PTBP2: variants seen among roughly 807,000 people sequenced by gnomAD.
PTBP2 encodes polypyrimidine tract-binding protein 2.
A neutral mutation model predicts 61.4 loss-of-function variants in PTBP2; 13 were observed. That is an observed-to-expected ratio of 0.21 (90% CI 0.14 to 0.34). The LOEUF (loss-of-function observed/expected upper bound fraction) is 0.34, where lower values mean the gene tolerates loss of function less well. PTBP2 is among the 10% of genes least tolerant of loss of function. The probability of loss-of-function intolerance (pLI) is 1.00; values close to 1 mark genes in which losing one functional copy is unlikely to be tolerated. For synonymous variants in PTBP2, 215 were observed against 218.5 expected (o/e 0.98, Z 0.14); for missense variants, 405 against 642.6 (o/e 0.63, Z 4.00).
rs1416565798 is a variant in PTBP2 at position 96,814,281 on chromosome 1, A to C, written c.*876A>C. 6.6e-6 allele frequency: 1 copy of C among 152,544 alleles called. No homozygotes were observed. Among genetic ancestry groups the C allele is most frequent in the African/African-American group, 2.4e-5 (1 of 41,470 alleles). The allele number at this position is 152,544 out of a possible 1,614,324, so 9.4% of individuals were successfully genotyped here. On this transcript the variant is annotated 3_prime_UTR_variant, in exon 14 of 14. Transcript: ENST00000674951. ...TATTGCCATCCTTAGTTTGTAATTAAGATTTGGAATATGGTTGTGGATTTC... is the reference window on the plus strand; with the variant it reads ...TATTGCCATCCTTAGTTTGTAATTACGATTTGGAATATGGTTGTGGATTTC...
intron 5 of PTBP2, among the ~76,000 whole-genome samples, chr1:96,771,766 T>C (rs1657408730): frequency 6.6e-6 from 1 of 152,196 alleles, no homozygotes; most frequent in Non-Finnish European, 1.5e-5. Context: ...TTTATACTTA[T>C]GGTGTACAAT....
chr1:96,744,520 A>C (rs952307950), intron 2 of PTBP2, among the ~76,000 whole-genome samples: 1 of 152,184 alleles, frequency 6.6e-6, no homozygotes, highest in Non-Finnish European at 1.5e-5. Context: ...TCCACGTCTT[A>C]TGTCTTGATC....
chr1:96,766,123 G>A (rs151284704), intron 3 of PTBP2, among the ~76,000 whole-genome samples: 36 of 152,254 alleles, frequency 2.4e-4, no homozygotes, highest in African/African-American at 7.5e-4. Flanking sequence ...GCTGGCTTTA[G>A]AATTGAGGTG....
At chr1:96,757,435 A>G (rs566437543) in intron 3 of PTBP2, among the ~76,000 whole-genome samples, 2 of 152,354 alleles carry the variant, frequency 1.3e-5, no homozygotes, top group South Asian at 4.1e-4. Context: ...ATAACAAATC[A>G]AAGTATATTA....
intron 3 of PTBP2, among the ~76,000 whole-genome samples, chr1:96,752,196 C>T (rs1055293283): frequency 1.3e-5 from 2 of 151,942 alleles, no homozygotes; most frequent in Non-Finnish European, 2.9e-5. Context: ...GACGTGTTCT[C>T]ATCTGAATGG....
chr1:96,723,414 ACG>A, intron 1 of PTBP2, 148 bp from the exon 2 acceptor site: 1 of 551,220 alleles, frequency 1.8e-6, no homozygotes, highest in Non-Finnish European at 3.2e-6. Flanking sequence ...CAGGTAAGTC[ACG>A]GATCATCTGT....
At chr1:96,796,135 T>G (rs545798629) in intron 8 of PTBP2, among the ~76,000 whole-genome samples, 1 of 152,002 alleles carries the variant, frequency 6.6e-6, no homozygotes, top group African/African-American at 2.4e-5. Flanking sequence ...CCAGAAGAGA[T>G]TTTTTACCAA....
At chr1:96,793,778 TA>T (rs1250791798) in intron 8 of PTBP2, among the ~76,000 whole-genome samples, 1 of 152,174 alleles carries the variant, frequency 6.6e-6, no homozygotes, top group Non-Finnish European at 1.5e-5. Flanking sequence ...CCATTATAAA[TA>T]ATATTTGAAT....
chr1:96,732,369 T>G (rs1314694355), intron 2 of PTBP2, among the ~76,000 whole-genome samples: 1 of 152,220 alleles, frequency 6.6e-6, no homozygotes, highest in Non-Finnish European at 1.5e-5. Flanking sequence ...TTATTAGAAT[T>G]TCAATTAACA....
At chr1:96,799,705 A>G (rs1660782842) in intron 8 of PTBP2, among the ~76,000 whole-genome samples, 1 of 152,138 alleles carries the variant, frequency 6.6e-6, no homozygotes, top group Admixed American at 6.5e-5. Flanking sequence ...GCTTTCTATA[A>G]CTTTCTCAAA....
At chr1:96,750,437 C>G (rs932265177) in intron 2 of PTBP2, among the ~76,000 whole-genome samples, 1 of 151,060 alleles carries the variant, frequency 6.6e-6, no homozygotes, top group African/African-American at 2.4e-5. Context: ...GTAGAAAGCT[C>G]TTAAAATATT....
intron 7 of PTBP2, among the ~76,000 whole-genome samples, chr1:96,784,046 A>C (rs1462136730): frequency 6.6e-6 from 1 of 152,088 alleles, no homozygotes; most frequent in African/African-American, 2.4e-5. Flanking sequence ...AGAATATTTG[A>C]ATTAAAAGCT....
rs78133565 is a variant in PTBP2 at position 96,758,002 on chromosome 1, A to G, written c.115+6502A>G. ...CCAAGGAAAAAGACATAAATTACCAATACTGGAAATCAAGGTCGAGATAAT... is the reference window on the plus strand; with the variant it reads ...CCAAGGAAAAAGACATAAATTACCAGTACTGGAAATCAAGGTCGAGATAAT... On this transcript the variant is annotated intron_variant, in intron 3 of 13. Transcript: ENST00000674951. 1.2e-4 allele frequency among the ~76,000 whole-genome samples: 19 copies of G among 152,204 alleles called. No individual in the cohort carries two copies. The East Asian group carries it at 1.9e-3, about 15-fold the overall frequency.
rs558009316 is a variant in PTBP2 at position 96,721,823 on chromosome 1, C to T, written c.-42C>T. 10 of 1,555,242 alleles carry T rather than the reference C, an allele frequency of 6.4e-6. No individual in the cohort carries two copies. In the South Asian group the frequency reaches 7.1e-5, roughly 11 times the overall value. ...CGCCGCTTGTGTGGCTCGCTGGCTG[C>T]GTGGCTCGGTTCTTGTGAGCGAAGC... On this transcript the variant is annotated 5_prime_UTR_variant, in exon 1 of 14. Transcript: ENST00000674951.
rs559201222 is a variant in PTBP2 at position 96,800,027 on chromosome 1, C to T, written c.905-4773C>T. On this transcript the variant is annotated intron_variant, in intron 8 of 13. Coordinates refer to ENST00000674951, the MANE Select transcript of PTBP2 (RefSeq NM_021190.4). ...AGTAGTTTTTCTAAGTTATCAGCCG[C>T]GGGGAGGAAATAATGAAAGAGAAAT... is the stretch of plus-strand genomic sequence containing the variant. Among the ~76,000 whole-genome samples, 3 of 152,214 alleles carry T rather than the reference C, an allele frequency of 2.0e-5. No individual in the cohort carries two copies. In the South Asian group the frequency reaches 6.2e-4, roughly 32 times the overall value.
intron 8 of PTBP2, among the ~76,000 whole-genome samples, chr1:96,798,277 G>A (rs561319882): frequency 6.6e-6 from 1 of 151,694 alleles, no homozygotes; most frequent in Middle Eastern, 3.2e-3. Context: ...GTGGTGGTGG[G>A]CGCCTGTAAT....
Position 96,777,586 on chromosome 1 carries a change from G to T in PTBP2, c.434G>T (p.Arg145Leu). The stretch of plus-strand genomic sequence containing the variant: ...AAACTACATAATCTTAATTTCCAGC[G>T]TGCTCAGGCAGTTCTTCAAGCTGTG... ...ELKTDNTLNQ[R>L]AQAVLQAVTA... Residue 145 changes from arginine (R) to leucine (L), a missense_variant and splice_region_variant, in exon 6 of 14, where the codon CGT (arginine) becomes CTT (leucine). This residue lies in a region of PTBP2 where 342 missense variants were observed against 491.2 expected (regional missense o/e 0.70). Coordinates refer to ENST00000674951, the MANE Select transcript of PTBP2 (RefSeq NM_021190.4). 1 of 1,604,502 alleles carries T rather than the reference G, an allele frequency of 6.2e-7. No individual in the cohort carries two copies. Among genetic ancestry groups the T allele is most frequent in the Non-Finnish European group, 8.5e-7 (1 of 1,176,524 alleles).
chr1:96,815,662 A>C (rs1463887071), downstream of PTBP2: 1 of 152,170 alleles, frequency 6.6e-6, no homozygotes, highest in African/African-American at 2.4e-5. Context: ...AAAGTAAATG[A>C]AGGAACATAA....
intron 2 of PTBP2, among the ~76,000 whole-genome samples, chr1:96,734,189 A>G (rs1028862409): frequency 6.6e-6 from 1 of 152,206 alleles, no homozygotes; most frequent in Non-Finnish European, 1.5e-5. Context: ...TCTATCATTC[A>G]GTCCCCAAAA....
Sources: allele counts gnomAD v4.1 joint callset (sites outside exome capture counted in the v4.1 genomes callset), GRCh38; gene constraint gnomAD v4.1.1; regional missense constraint gnomAD v4.1.1; transcripts MANE v1.5; gene names NCBI Gene and HGNC (gene_info 2026-07-23, HGNC 2026-07-21).